Variants in MRPL48 observed in about 807,000 individuals in gnomAD.
MRPL48 encodes mitochondrial ribosomal protein L48, also known as large ribosomal subunit protein mL48.
A neutral mutation model predicts 32.9 loss-of-function variants in MRPL48; 16 were observed. The ratio of observed to expected loss-of-function variants is 0.49; its 90% CI spans 0.33 to 0.74. The LOEUF (loss-of-function observed/expected upper bound fraction) is 0.74. Ranked by LOEUF, MRPL48 falls within the 30% of genes least tolerant of loss-of-function variation. The pLI, the probability that MRPL48 is intolerant of heterozygous loss-of-function variation, is 0.02. For synonymous variants in MRPL48, 94 were observed against 89.2 expected (o/e 1.05, Z -0.31); for missense variants, 206 against 245.3 (o/e 0.84, Z 1.07).
chr11:73,819,865 C>A (rs1947741780), intron 3 of MRPL48, among the ~76,000 whole-genome samples: 1 of 151,766 alleles, frequency 6.6e-6, no homozygotes, highest in South Asian at 2.1e-4. Flanking sequence ...GCCACTGCCC[C>A]CCAGCCTGGG....
intron 1 of MRPL48, among the ~76,000 whole-genome samples, chr11:73,793,885 T>G (rs569303711): frequency 6.6e-6 from 1 of 150,794 alleles, no homozygotes; most frequent in South Asian, 2.1e-4. Context: ...TTTCCCTTTT[T>G]CTGGAGAACA....
chr11:73,810,339 T>C (rs1025540004), intron 3 of MRPL48, among the ~76,000 whole-genome samples: 2 of 151,988 alleles, frequency 1.3e-5, no homozygotes, highest in African/African-American at 4.8e-5. Context: ...CTGACCAACA[T>C]GGAGAAACCC....
chr11:73,802,766 C>T (rs991145399), intron 1 of MRPL48, among the ~76,000 whole-genome samples: 3 of 151,678 alleles, frequency 2.0e-5, no homozygotes, highest in African/African-American at 7.3e-5. Context: ...ATGGCACAGT[C>T]ACGGCTTATT....
At chr11:73,825,673 A>C (rs1174050888) in intron 3 of MRPL48, 35 bp from the exon 4 acceptor site, 12 of 1,522,496 alleles carry the variant, frequency 7.9e-6, no homozygotes, top group South Asian at 1.2e-5. Flanking sequence ...TAGCAACAAC[A>C]AAAAAACAGG....
chr11:73,842,851 GC>G, intron 4 of MRPL48: 1 of 152,642 alleles, frequency 6.6e-6, no homozygotes, highest in Non-Finnish European at 1.5e-5. Context: ...TCACTCTGTT[GC>G]CCAAGCTAGA....
intron 1 of MRPL48, among the ~76,000 whole-genome samples, chr11:73,793,686 AG>A (rs753731264): frequency 2.7e-5 from 4 of 149,402 alleles, no homozygotes; most frequent in Non-Finnish European, 6.0e-5. Context: ...ATTACGGGAG[AG>A]TATGCAGAGA....
intron 3 of MRPL48, among the ~76,000 whole-genome samples, chr11:73,809,517 A>AG (rs1469318234): frequency 6.6e-6 from 1 of 152,086 alleles, no homozygotes; most frequent in African/African-American, 2.4e-5. Context: ...AAAAAAAAAA[A>AG]AAAGATAAAA....
chr11:73,788,318 G>T (rs1229845878), intron 1 of MRPL48, among the ~76,000 whole-genome samples: 1 of 152,098 alleles, frequency 6.6e-6, no homozygotes, highest in African/African-American at 2.4e-5. Flanking sequence ...TTAACTGTGT[G>T]ACCTTGGGCA....
At chr11:73,842,231 G>GT (rs2135048060) in intron 4 of MRPL48, 1 of 152,284 alleles carries the variant, frequency 6.6e-6, no homozygotes, top group South Asian at 2.1e-4. Flanking sequence ...AATTATAGGC[G>GT]TGAGCCACTG....
At chr11:73,805,587 C>T (rs974230862) in intron 2 of MRPL48, among the ~76,000 whole-genome samples, 7 of 151,538 alleles carry the variant, frequency 4.6e-5, no homozygotes, top group Admixed American at 1.3e-4. Context: ...TGGGCCCCCG[C>T]GTCCAGCCAG....
At chr11:73,807,426 G>A (rs577948399) in intron 2 of MRPL48, among the ~76,000 whole-genome samples, 7 of 147,168 alleles carry the variant, frequency 4.8e-5, no homozygotes, top group Admixed American at 2.1e-4. Flanking sequence ...ATAGTATCCC[G>A]TTCCATCTTA....
intron 1 of MRPL48, among the ~76,000 whole-genome samples, chr11:73,800,880 C>T (rs1014397328): frequency 4.8e-5 from 7 of 146,420 alleles, no homozygotes; most frequent in African/African-American, 7.6e-5. Context: ...GGCGTGATCT[C>T]GGCTCACAGC....
chr11:73,804,498 C>T (rs1490483109), intron 1 of MRPL48, among the ~76,000 whole-genome samples: 1 of 152,042 alleles, frequency 6.6e-6, no homozygotes, highest in African/African-American at 2.4e-5. Context: ...TCTTGAACTC[C>T]TGACCTCGTG....
At chr11:73,845,210 C>T (rs1390055698) in intron 5 of MRPL48, 3 of 350,238 alleles carry the variant, frequency 8.6e-6, no homozygotes, top group African/African-American at 6.3e-5. Context: ...AACCACAGAC[C>T]AATTTTCTGG....
chr11:73,831,778 TA>T (rs1947999753), intron 4 of MRPL48, among the ~76,000 whole-genome samples: 1 of 151,564 alleles, frequency 6.6e-6, no homozygotes, highest in Non-Finnish European at 1.5e-5. Flanking sequence ...CCATCTCTAC[TA>T]AAAATGCAAA....
At chr11:73,820,783 A>G (rs1947765362) in intron 3 of MRPL48, among the ~76,000 whole-genome samples, 1 of 152,236 alleles carries the variant, frequency 6.6e-6, no homozygotes, top group South Asian at 2.1e-4. Context: ...GTGCAAAGGA[A>G]TATAAGTAAC....
intron 5 of MRPL48, among the ~76,000 whole-genome samples, chr11:73,859,359 G>T (rs1948542147): frequency 6.6e-6 from 1 of 150,402 alleles, no homozygotes; most frequent in African/African-American, 2.5e-5. Flanking sequence ...TTGGCTCACT[G>T]CATCCTTGAC....
intron 1 of MRPL48, among the ~76,000 whole-genome samples, chr11:73,792,399 A>C (rs141111929): frequency 1.4e-3 from 211 of 152,306 alleles, no homozygotes; most frequent in African/African-American, 4.7e-3. Context: ...GGGTATGGTT[A>C]GGGGAGACTC....
chr11:73,823,654 GTT>G (rs57616234), intron 3 of MRPL48, among the ~76,000 whole-genome samples: 80 of 105,654 alleles, frequency 7.6e-4, no homozygotes, highest in Non-Finnish European at 8.8e-4. Context: ...TTTCTTTTCT[GTT>G]TTTTTTTTTT....
Sources: gnomAD v4.1 joint callset for allele counts (sites outside exome capture counted in the v4.1 genomes callset) on GRCh38, gnomAD v4.1.1 for gene constraint, MANE v1.5 for transcripts, NCBI Gene and HGNC (gene_info 2026-07-23, HGNC 2026-07-21) for gene names.